Variants in STRIP2 observed in about 807,000 individuals in gnomAD.
The protein encoded by STRIP2 is striatin-interacting protein 2.
In STRIP2, 84 loss-of-function variants were observed where a neutral mutation model predicts 107.1. The observed-to-expected ratio is 0.78, with a 90% CI of 0.66 to 0.94. STRIP2 has a LOEUF of 0.94. Among genes scored for constraint, STRIP2 ranks in the 40% least tolerant of loss-of-function variants. The probability of loss-of-function intolerance (pLI) is 0.00; values close to 1 mark genes in which losing one functional copy is unlikely to be tolerated. For missense variants in STRIP2, 888 were observed against 1,034.2 expected (o/e 0.86, Z 1.94); for synonymous variants, 394 against 400.4 (o/e 0.98, Z 0.19).
chr7:129,460,433 A>G (rs745915333), intron 13 of STRIP2, 61 bp downstream of exon 13: 1 of 1,410,470 alleles, frequency 7.1e-7, no homozygotes, highest in South Asian at 1.2e-5. Flanking sequence ...CAGTGTTGTC[A>G]CAGAGCATGT....
At chr7:129,444,126 C>T (rs562843630) in intron 3 of STRIP2, 28 bp downstream of exon 3, 8 of 1,537,872 alleles carry the variant, frequency 5.2e-6, no homozygotes, top group East Asian at 4.5e-5. Flanking sequence ...CTCATAGAGA[C>T]CTGCTTTTTC....
At chr7:129,471,873 G>T (rs1798795846) in intron 18 of STRIP2, among the ~76,000 whole-genome samples, 1 of 152,120 alleles carries the variant, frequency 6.6e-6, no homozygotes, top group Non-Finnish European at 1.5e-5. Flanking sequence ...TTTAGATGTG[G>T]CCTCAGCAGC....
Position 129,464,618 on chromosome 7 carries a change from T to C in STRIP2, c.1656T>C (p.Thr552=). 6.2e-7 allele frequency: 1 copy of C among 1,614,108 alleles called. No individual in the cohort carries two copies. Among genetic ancestry groups the C allele is most frequent in the Non-Finnish European group, 8.5e-7 (1 of 1,180,012 alleles). The change falls in exon 16 of 21, where the codon ACT becomes ACC. Residue 552 remains threonine (T), a synonymous_variant. Coordinates refer to ENST00000249344, the MANE Select transcript of STRIP2 (RefSeq NM_020704.3). ...CCTTCTCTCCCCATTGTAGCATCACTGTTCTCCAGAGCATGAAGCTGGGCA... is the reference window on the plus strand; with the variant it reads ...CCTTCTCTCCCCATTGTAGCATCACCGTTCTCCAGAGCATGAAGCTGGGCA... The part of the protein sequence containing the change: ...ADVLPEEMPI[T]VLQSMKLGID...
At chr7:129,446,174 A>G (rs1584938406) in intron 3 of STRIP2, among the ~76,000 whole-genome samples, 1 of 152,182 alleles carries the variant, frequency 6.6e-6, no homozygotes, top group Non-Finnish European at 1.5e-5. Context: ...CCATTGGACA[A>G]TGACAGAGGT....
chr7:129,452,357 C>T (rs112139314), intron 4 of STRIP2, among the ~76,000 whole-genome samples: 209 of 151,478 alleles, frequency 1.4e-3, no homozygotes, highest in African/African-American at 4.8e-3. Context: ...AAATATAAGG[C>T]GTGTTAACAG....
intron 19 of STRIP2, among the ~76,000 whole-genome samples, chr7:129,482,327 GA>G (rs1799137711): frequency 7.0e-6 from 1 of 142,856 alleles, no homozygotes; most frequent in South Asian, 2.2e-4. Flanking sequence ...AATATGAATG[GA>G]ATAGTTCTCT....
At chr7:129,445,395 G>A (rs1220988553) in intron 3 of STRIP2, among the ~76,000 whole-genome samples, 3 of 152,044 alleles carry the variant, frequency 2.0e-5, no homozygotes, top group Admixed American at 6.6e-5. Context: ...TCATTGTTGT[G>A]TCTCCTGGTG....
rs1379928760 is a variant in STRIP2 at position 129,460,352 on chromosome 7, G to A, written c.1456G>A (p.Glu486Lys). 6.2e-7 allele frequency: 1 copy of A among 1,613,834 alleles called. No homozygotes were observed. ...DVQIKNEEEL[E>K]KCPMSLGEEV... is the part of the protein sequence containing the mutation. Reference sequence around the variant, plus strand: ...GCAGATCAAGAATGAAGAGGAGCTGGAGAAGTGCCCTATGTCTTTGGTGAG... The same window carrying A: ...GCAGATCAAGAATGAAGAGGAGCTGAAGAAGTGCCCTATGTCTTTGGTGAG... The change falls in exon 13 of 21, where the codon GAG becomes AAG. Residue 486 changes from glutamate (E) to lysine (K), a missense_variant. By Grantham distance (56) the Glu-to-Lys change is moderately conservative. Coordinates refer to ENST00000249344, the MANE Select transcript of STRIP2 (RefSeq NM_020704.3).
intron 3 of STRIP2, among the ~76,000 whole-genome samples, chr7:129,445,307 C>T (rs1433621667): frequency 1.3e-5 from 2 of 152,110 alleles, no homozygotes; most frequent in African/African-American, 4.8e-5. Flanking sequence ...ACTGTAACTC[C>T]CTTCTTAGCC....
intron 1 of STRIP2, 94 bp downstream of exon 1, chr7:129,434,695 G>C: frequency 7.4e-7 from 1 of 1,349,584 alleles, no homozygotes; most frequent in Non-Finnish European, 9.5e-7. Flanking sequence ...CGGAGCCCTC[G>C]GCGCGCTCGA....
intron 1 of STRIP2, 28 bp from the exon 2 acceptor site, chr7:129,439,994 A>T (rs1489532674): frequency 1.9e-6 from 3 of 1,601,382 alleles, no homozygotes; most frequent in Non-Finnish European, 2.6e-6. Context: ...AAGTTATCCC[A>T]GTTACCAACA....
At chr7:129,481,738 C>G (rs1799120699) in intron 19 of STRIP2, among the ~76,000 whole-genome samples, 1 of 151,746 alleles carries the variant, frequency 6.6e-6, no homozygotes. Flanking sequence ...ATGATAAGAC[C>G]CCATCTCTAT....
chr7:129,473,731 T>C (rs1253999706), intron 18 of STRIP2, among the ~76,000 whole-genome samples: 9 of 152,074 alleles, frequency 5.9e-5, no homozygotes, highest in Admixed American at 5.2e-4. Context: ...TTATTTATTT[T>C]TTTTGAGATG....
At chr7:129,438,883 C>T (rs1408509993) in intron 1 of STRIP2, among the ~76,000 whole-genome samples, 1 of 152,078 alleles carries the variant, frequency 6.6e-6, no homozygotes, top group Non-Finnish European at 1.5e-5. Context: ...GGAAGAGATG[C>T]GAAGGACGAA....
At chr7:129,434,674 G>A in intron 1 of STRIP2, 73 bp downstream of exon 1, 2 of 1,395,096 alleles carry the variant, frequency 1.4e-6, no homozygotes, top group Non-Finnish European at 1.9e-6. Context: ...GAGGTGATTC[G>A]GCCTCGGCCC....
chr7:129,462,452 A>G (rs766241397), intron 13 of STRIP2, among the ~76,000 whole-genome samples: 23 of 152,234 alleles, frequency 1.5e-4, no homozygotes, highest in Non-Finnish European at 2.5e-4. Context: ...TAATGTCATC[A>G]ACAGGACAGA....
chr7:129,447,839 C>T (rs959930833), intron 3 of STRIP2, among the ~76,000 whole-genome samples: 11 of 152,204 alleles, frequency 7.2e-5, no homozygotes, highest in African/African-American at 1.4e-4. Context: ...TACGATAATC[C>T]ACTGACATTC....
intron 3 of STRIP2, among the ~76,000 whole-genome samples, chr7:129,448,145 A>G (rs545769106): frequency 6.6e-6 from 1 of 152,292 alleles, no homozygotes; most frequent in South Asian, 2.1e-4. Context: ...GCACTGGGGA[A>G]GTGACCACAG....
At chr7:129,476,290 A>G (rs1798938180) in intron 18 of STRIP2, among the ~76,000 whole-genome samples, 1 of 119,044 alleles carries the variant, frequency 8.4e-6, no homozygotes, top group African/African-American at 3.0e-5. Flanking sequence ...GACGCTCCTC[A>G]CTTCCCAGAT....
Sources: allele counts gnomAD v4.1 joint callset (sites outside exome capture counted in the v4.1 genomes callset), GRCh38; gene constraint gnomAD v4.1.1; transcripts MANE v1.5; gene names NCBI Gene and HGNC (gene_info 2026-07-23, HGNC 2026-07-21).